PELO: variants seen among roughly 807,000 people sequenced by gnomAD.
PELO encodes protein pelota homolog.
Under a neutral mutation model 25.9 loss-of-function variants are expected in PELO, and 19 were observed. The observed-to-expected ratio is 0.73, with a 90% CI of 0.51 to 1.08. The LOEUF (loss-of-function observed/expected upper bound fraction) is 1.08, where lower values mean the gene tolerates loss of function less well. Among genes scored for constraint, PELO ranks in the 50% least tolerant of loss-of-function variants. The pLI is 0.00. For synonymous variants in PELO, 196 were observed against 192.2 expected, an observed-to-expected ratio of 1.02 and a Z score of -0.16; for missense variants, 498 against 491.4, an observed-to-expected ratio of 1.01 and a Z score of -0.13.
At chr5:52,788,578 G>C (rs1005198911) in intron 1 of PELO, among the ~76,000 whole-genome samples, 164 bp downstream of exon 1, 1 of 152,186 alleles carries the variant, frequency 6.6e-6, no homozygotes, top group African/African-American at 2.4e-5. Context: ...CAGGAGTTTC[G>C]CGTTCTGGTT....
intron 1 of PELO, among the ~76,000 whole-genome samples, chr5:52,797,017 T>G (rs546440236): frequency 6.6e-6 from 1 of 152,154 alleles, no homozygotes; most frequent in African/African-American, 2.4e-5. Flanking sequence ...GGGAAGTAAA[T>G]TTGTAAGGCC....
rs1748159150 is a variant in PELO at position 52,788,166 on chromosome 5, G to A, written c.-759G>A. ...GTCTGGGATGTGAAAAGCGTGGAGC[G>A]CATTTAGAGGAATTCGACGAAAACA... On this transcript the variant is annotated 5_prime_UTR_variant, in exon 1 of 3. Coordinates refer to ENST00000274311, the MANE Select transcript of PELO (RefSeq NM_015946.5). The A allele has an allele frequency of 4.4e-6, 2 of 456,978 alleles. No individual in the cohort carries two copies. Among genetic ancestry groups the A allele is most frequent in the African/African-American group, 2.1e-5 (1 of 48,656 alleles). 28.3% of individuals were successfully genotyped at this position (456,978 alleles called of 1,614,324 possible).
Position 52,801,118 on chromosome 5 carries a change from C to A in PELO, c.724C>A (p.Gln242Lys). The change falls in exon 2 of 3, where the codon CAG becomes AAG. Residue 242 changes from glutamine (Q) to lysine (K), a missense_variant and splice_region_variant. Physicochemically the swap from Gln to Lys is moderately conservative, Grantham distance 53 (BLOSUM62 1). Coordinates refer to ENST00000274311, the MANE Select transcript of PELO (RefSeq NM_015946.5). ...CCTGGAAAACCGGTCCAAATTTCTT[C>A]AGGTAAAACAATCTTACCCAGGGAT... Reference protein sequence around the residue: ...LLLENRSKFLQVHASSGHKYS... With the variant: ...LLLENRSKFLKVHASSGHKYS... 1 of 1,594,984 alleles carries A rather than the reference C, an allele frequency of 6.3e-7. No individual in the cohort carries two copies. Among genetic ancestry groups the A allele is most frequent in the African/African-American group, 1.3e-5 (1 of 74,578 alleles).
At chr5:52,791,748 C>A (rs1748246205) in intron 1 of PELO, among the ~76,000 whole-genome samples, 1 of 58,598 alleles carries the variant, frequency 1.7e-5, no homozygotes, top group East Asian at 3.6e-4. Context: ...ACTCCCTCAG[C>A]TTGTTGATTA....
intron 1 of PELO, among the ~76,000 whole-genome samples, chr5:52,788,984 C>A (rs112275807): frequency 5.3e-5 from 8 of 152,064 alleles, no homozygotes; most frequent in African/African-American, 1.9e-4. Flanking sequence ...TATTTTGAAA[C>A]GTAGAAAGGA....
chr5:52,794,052 G>C (rs1254276287), intron 1 of PELO, among the ~76,000 whole-genome samples: 4 of 151,904 alleles, frequency 2.6e-5, no homozygotes, highest in Non-Finnish European at 4.4e-5. Context: ...ATGCTGGTTG[G>C]TGTTAGGAAT....
At position 52,788,373 on chromosome 5, in the gene PELO, C is replaced by G; in HGVS notation, c.-552C>G. 1 of 1,512,580 alleles carries G rather than the reference C, an allele frequency of 6.6e-7. No homozygotes were observed. The highest frequency in any genetic ancestry group is 8.8e-7 in the Non-Finnish European group (1 of 1,134,368). 93.7% of individuals were successfully genotyped at this position (1,512,580 alleles called of 1,614,324 possible). A position where few individuals can be genotyped will look rare whatever the true frequency, so the allele number is the denominator to read the frequency against. On this transcript the variant is annotated 5_prime_UTR_variant, in exon 1 of 3. Coordinates refer to ENST00000274311, the MANE Select transcript of PELO (RefSeq NM_015946.5). Reference sequence around the variant, plus strand: ...CCGGCCATGGCCCCTCGGCCCCGCGCCCGCCCAGGGGTCGCTGTCGCCTGC... The same window carrying G: ...CCGGCCATGGCCCCTCGGCCCCGCGGCCGCCCAGGGGTCGCTGTCGCCTGC...
Position 52,801,105 on chromosome 5 carries a change from G to A in PELO, c.711G>A (p.Arg237=). The A allele has an allele frequency of 1.2e-6, 2 of 1,603,160 alleles. No individual in the cohort carries two copies. Among genetic ancestry groups the A allele is most frequent in the Non-Finnish European group, 1.7e-6 (2 of 1,173,496 alleles). The change falls in exon 2 of 3, where the codon CGG becomes CGA. Residue 237 remains arginine, a synonymous_variant. Coordinates refer to ENST00000274311, the MANE Select transcript of PELO (RefSeq NM_015946.5). ...KTDNKLLLEN[R]SKFLQVHASS... is the part of the protein sequence containing the mutation. ...ACAACAAACTGCTCCTGGAAAACCG[G>A]TCCAAATTTCTTCAGGTAAAACAAT...
chr5:52,793,810 TA>T (rs2111645466), intron 1 of PELO, among the ~76,000 whole-genome samples: 1 of 152,184 alleles, frequency 6.6e-6, no homozygotes, highest in Non-Finnish European at 1.5e-5. Context: ...CCAAATGCTC[TA>T]TCTTTAGAAG....
At position 52,788,052 on chromosome 5, in the gene PELO, T is replaced by C. The variant is rs1293228076; in HGVS notation, c.-873T>C. On this transcript the variant is annotated 5_prime_UTR_variant, in exon 1 of 3. Coordinates refer to ENST00000274311, the MANE Select transcript of PELO (RefSeq NM_015946.5). The stretch of plus-strand genomic sequence containing the variant: ...AAACACGGACCCGCGAAGCTGGCTT[T>C]ATTTGTCCATGTCTCGGACAGAGCC... 3 of 355,518 alleles carry C rather than the reference T, an allele frequency of 8.4e-6. No homozygotes were observed. Among genetic ancestry groups the C allele is most frequent in the Admixed American group, 4.8e-5 (1 of 20,704 alleles). The allele number at this position is 355,518 out of a possible 1,614,324, so 22.0% of individuals were successfully genotyped here.
chr5:52,788,555 G>A (rs1413359317), intron 1 of PELO, 141 bp downstream of exon 1: 6 of 630,464 alleles, frequency 9.5e-6, no homozygotes, highest in African/African-American at 1.9e-5. Context: ...CTCAGGCCAG[G>A]CTACGGGGCA....
rs1580027326 is a variant in PELO at position 52,800,188 on chromosome 5, G to T, written c.-207G>T. On this transcript the variant is annotated 5_prime_UTR_variant, in exon 2 of 3. Transcript: ENST00000274311. ...TCCCCGAGCCTGTTAGACGCAGCGC[G>T]CCGGGAGACTGAGAGAGGAAAGGAT... 5.1e-6 allele frequency: 3 copies of T among 590,246 alleles called. No individual in the cohort carries two copies. The highest frequency in any genetic ancestry group is 5.7e-5 in the East Asian group (2 of 34,970). 36.6% of individuals were successfully genotyped at this position (590,246 alleles called of 1,614,324 possible). A position where few individuals can be genotyped will look rare whatever the true frequency, so the allele number is the denominator to read the frequency against.
At chr5:52,789,806 C>G (rs779501851) in intron 1 of PELO, among the ~76,000 whole-genome samples, 1 of 152,098 alleles carries the variant, frequency 6.6e-6, no homozygotes, top group Non-Finnish European at 1.5e-5. Flanking sequence ...TTCATTCTAC[C>G]AAATAAGCAG....
At chr5:52,788,453 G>A (rs1319524687) in intron 1 of PELO, 39 bp downstream of exon 1, 1 of 1,430,498 alleles carries the variant, frequency 7.0e-7, no homozygotes, top group Non-Finnish European at 9.2e-7. Flanking sequence ...TCCTGCTCGC[G>A]GGCTTGGGGC....
chr5:52,794,510 C>T (rs1748302320), intron 1 of PELO, among the ~76,000 whole-genome samples: 1 of 150,348 alleles, frequency 6.7e-6, no homozygotes, highest in African/African-American at 2.4e-5. Context: ...TACACACACA[C>T]ACACACACAC....
intron 1 of PELO, among the ~76,000 whole-genome samples, chr5:52,798,933 G>A (rs1021001704): frequency 6.6e-6 from 1 of 152,122 alleles, no homozygotes; most frequent in African/African-American, 2.4e-5. Flanking sequence ...GCAGTTTTGC[G>A]TGACCCAGTT....
rs148625664 is a variant in PELO at position 52,802,981 on chromosome 5, C to T, written c.*1141C>T. 5 of 152,220 alleles carry T rather than the reference C, an allele frequency of 3.3e-5. No individual in the cohort carries two copies. The East Asian group carries it at 5.8e-4, about 18-fold the overall frequency. The allele number at this position is 152,220 out of a possible 1,614,324, so 9.4% of individuals were successfully genotyped here. ...ACATTCCTAAAAGTTAAGGAAGGAG[C>T]CTCAGTAATGGAATTGCTTCTTGAC... is the stretch of plus-strand genomic sequence containing the variant. On this transcript the variant is annotated 3_prime_UTR_variant, in exon 3 of 3. Coordinates refer to ENST00000274311, the MANE Select transcript of PELO (RefSeq NM_015946.5).
chr5:52,790,451 T>C lies in PELO; in HGVS notation c.-511+2037T>C, dbSNP rs377230454. 2.7e-4 allele frequency among the ~76,000 whole-genome samples: 41 copies of C among 152,334 alleles called. 1 individual carries two copies. The East Asian group carries it at 4.2e-3, about 16-fold the overall frequency. Reference sequence around the variant, plus strand: ...CAGTTCTGTAGGTCAGAAGTATCACTGGGCTAGAATCAAGATGTCACCAGG... The same window carrying C: ...CAGTTCTGTAGGTCAGAAGTATCACCGGGCTAGAATCAAGATGTCACCAGG... On this transcript the variant is annotated intron_variant, in intron 1 of 2. Transcript: ENST00000274311.
At chr5:52,797,160 C>T (rs1455954531) in intron 1 of PELO, among the ~76,000 whole-genome samples, 1 of 151,766 alleles carries the variant, frequency 6.6e-6, no homozygotes, top group Non-Finnish European at 1.5e-5. Flanking sequence ...TAATAGTCAA[C>T]TACAGGCTTA....
Sources: allele counts gnomAD v4.1 joint callset (sites outside exome capture counted in the v4.1 genomes callset), GRCh38; gene constraint gnomAD v4.1.1; transcripts MANE v1.5; gene names NCBI Gene and HGNC (gene_info 2026-07-23, HGNC 2026-07-21).